NECAB2: variants seen among roughly 807,000 people sequenced by gnomAD.
NECAB2 encodes the protein N-terminal EF-hand calcium-binding protein 2.
Under a neutral mutation model 51.9 loss-of-function variants are expected in NECAB2, and 68 were observed. The observed-to-expected ratio is 1.31, with a 90% CI of 1.08 to 1.60. The LOEUF is 1.60. Ranked by LOEUF, NECAB2 falls within the 40% of genes most tolerant of loss-of-function variation. The pLI is 0.00. For missense variants in NECAB2, 854 were observed against 490.3 expected, an observed-to-expected ratio of 1.74 and a Z score of -7.00; for synonymous variants, 329 against 203.5, an observed-to-expected ratio of 1.62 and a Z score of -5.25.
chr16:83,997,391 A>T, intron 9 of NECAB2, 122 bp downstream of exon 9: 2 of 1,128,996 alleles, frequency 1.8e-6, no homozygotes, highest in Non-Finnish European at 2.5e-6. Context: ...AGGAGGGGAG[A>T]TGTCGCCCAG....
chr16:83,999,580 C>G (rs1302974210), intron 10 of NECAB2, among the ~76,000 whole-genome samples: 1 of 152,162 alleles, frequency 6.6e-6, no homozygotes, highest in African/African-American at 2.4e-5. Context: ...GCCCCTCCTC[C>G]CCAGCTTTTG....
At chr16:83,966,096 C>G (rs766617164), upstream of NECAB2, 156 of 1,117,974 alleles carry the variant, frequency 1.4e-4, no homozygotes, top group East Asian at 4.0e-3. Flanking sequence ...AAAGATGCCC[C>G]GGGGAGGGGT....
At chr16:83,975,343 C>A (rs1410378388) in intron 2 of NECAB2, among the ~76,000 whole-genome samples, 2 of 149,618 alleles carry the variant, frequency 1.3e-5, no homozygotes, top group African/African-American at 5.0e-5. Flanking sequence ...GGGATGGGAA[C>A]AGGTGTGCAG....
Position 83,998,186 on chromosome 16 carries a change from C to T in NECAB2, c.850-19C>T. ...GGCCTGACGTGGAGCCCCACACTGA[C>T]TCCTGCTGTGCCCGGCAGCACCTGC... On this transcript the variant is annotated intron_variant, in intron 9 of 12. Transcript: ENST00000305202. The T allele has an allele frequency of 1.2e-6, 2 of 1,604,150 alleles. No individual in the cohort carries two copies. The highest frequency in any genetic ancestry group is 1.7e-6 in the Non-Finnish European group (2 of 1,179,116).
chr16:83,999,470 G>C (rs909093737), intron 10 of NECAB2, among the ~76,000 whole-genome samples: 1 of 152,160 alleles, frequency 6.6e-6, no homozygotes, highest in African/African-American at 2.4e-5. Context: ...AGCCAGGTGA[G>C]ATTCTACTTC....
At position 83,990,550 on chromosome 16, in the gene NECAB2, G is replaced by A; in HGVS notation, c.516G>A (p.Glu172=). The change falls in exon 6 of 13, where the codon GAG becomes GAA. Residue 172 remains glutamate (E), a synonymous_variant. Coordinates refer to ENST00000305202, the MANE Select transcript of NECAB2 (RefSeq NM_019065.3). ...DQFVTRFLLK[E]TANQIQSLLS... is the part of the protein sequence containing the mutation. ...TTGTGACCCGCTTCCTCCTGAAGGA[G>A]ACGGCCAATCAGATCCAGTCGCTGC... is the stretch of plus-strand genomic sequence containing the variant. The A allele has an allele frequency of 6.2e-7, 1 of 1,614,170 alleles. No individual in the cohort carries two copies. Among genetic ancestry groups the A allele is most frequent in the Non-Finnish European group, 8.5e-7 (1 of 1,180,034 alleles).
intron 3 of NECAB2, 66 bp downstream of exon 3, chr16:83,978,618 C>T: frequency 7.3e-7 from 1 of 1,361,314 alleles, no homozygotes; most frequent in Non-Finnish European, 1.0e-6. Flanking sequence ...ATCTTTTCAT[C>T]TAGTGTCCGT....
chr16:83,989,778 G>A (rs1342391343), intron 5 of NECAB2, among the ~76,000 whole-genome samples: 1 of 152,168 alleles, frequency 6.6e-6, no homozygotes, highest in Non-Finnish European at 1.5e-5. Context: ...GACAGAGGTG[G>A]AAATTCTGTT....
At position 83,998,255 on chromosome 16, in the gene NECAB2, C is replaced by T. The variant is rs142373353; in HGVS notation, c.900C>T (p.Ser300=). 8.6e-5 allele frequency: 138 copies of T among 1,612,870 alleles called. No homozygotes were observed. Among genetic ancestry groups the T allele is most frequent in the Middle Eastern group, 8.2e-4 (5 of 6,082 alleles). Residue 300 remains serine (S), a synonymous_variant, in exon 10 of 13, where the codon AGC becomes AGT. Transcript: ENST00000305202. ...QEMAVCPEQL[S]EFLDSLRQYL... ...TGGCCGTGTGCCCCGAGCAACTGAG[C>T]GAGTTTCTGGACTCTCTGCGCCAGT...
intron 5 of NECAB2, among the ~76,000 whole-genome samples, chr16:83,987,919 C>T (rs2084575783): frequency 6.6e-6 from 1 of 152,214 alleles, no homozygotes; most frequent in Non-Finnish European, 1.5e-5. Context: ...TATTCTGTGT[C>T]AGTACATGAA....
At chr16:83,986,337 A>G (rs1046146692) in intron 5 of NECAB2, among the ~76,000 whole-genome samples, 2 of 152,202 alleles carry the variant, frequency 1.3e-5, no homozygotes, top group African/African-American at 2.4e-5. Context: ...CTCTAACTCA[A>G]TATGAGAATC....
At chr16:83,985,286 C>G (rs2084538430) in intron 5 of NECAB2, among the ~76,000 whole-genome samples, 1 of 120,236 alleles carries the variant, frequency 8.3e-6, no homozygotes, top group African/African-American at 3.1e-5. Flanking sequence ...GCACTCCAGC[C>G]TGGACAACAA....
intron 1 of NECAB2, among the ~76,000 whole-genome samples, chr16:83,969,204 C>G (rs543687035): frequency 6.6e-6 from 1 of 152,132 alleles, no homozygotes; most frequent in East Asian, 1.9e-4. Flanking sequence ...ACCGGAGCCC[C>G]TCGCCGCGTC....
chr16:83,994,597 T>C lies in NECAB2; in HGVS notation c.716-12T>C. ...CACCACTGAAGTCTGTGTGTCTCTT[T>C]CTCTACCGCAGCCACGGAGGATGCA... On this transcript the variant is annotated splice_polypyrimidine_tract_variant and intron_variant, in intron 7 of 12. Transcript: ENST00000305202. 2 of 1,613,986 alleles carry C rather than the reference T, an allele frequency of 1.2e-6. No individual in the cohort carries two copies. Among genetic ancestry groups the C allele is most frequent in the Non-Finnish European group, 1.7e-6 (2 of 1,179,996 alleles).
In NECAB2 at chr16:83,980,940, A is replaced by T; in HGVS notation, c.361+76A>T. The T allele has an allele frequency of 3.7e-6, 6 of 1,608,712 alleles. No individual in the cohort carries two copies. In the South Asian group the frequency reaches 6.6e-5, roughly 18 times the overall value. On this transcript the variant is annotated intron_variant, in intron 4 of 12. Coordinates refer to ENST00000305202, the MANE Select transcript of NECAB2 (RefSeq NM_019065.3). ...GGATGAGAAGGGCCTGAGGCAGGGG[A>T]GGCTGGAGGTAGCGCAGGTGGGAGG... is the stretch of plus-strand genomic sequence containing the variant.
intron 2 of NECAB2, among the ~76,000 whole-genome samples, chr16:83,977,360 G>T (rs1336928662): frequency 6.6e-6 from 1 of 152,132 alleles, no homozygotes; most frequent in Non-Finnish European, 1.5e-5. Context: ...TGCTCAGCAG[G>T]TCTGTTCAGG....
intron 5 of NECAB2, among the ~76,000 whole-genome samples, chr16:83,990,218 G>A (rs942247934): frequency 6.6e-6 from 1 of 152,176 alleles, no homozygotes; most frequent in Non-Finnish European, 1.5e-5. Context: ...CTACAACCTT[G>A]TAAGATAGAT....
At position 83,997,416 on chromosome 16, in the gene NECAB2, A is replaced by G. The variant is rs1227408312; in HGVS notation, c.849+147A>G. The G allele has an allele frequency of 1.7e-5, 14 of 820,472 alleles. No individual in the cohort carries two copies. The Admixed American group carries it at 3.6e-4, about 21-fold the overall frequency. 50.8% of individuals were successfully genotyped at this position (820,472 alleles called of 1,614,324 possible). A position where few individuals can be genotyped will look rare whatever the true frequency, so the allele number is the denominator to read the frequency against. On this transcript the variant is annotated intron_variant, in intron 9 of 12. Transcript: ENST00000305202. ...ATGTCGCCCAGCGCTTGGCACCCAG[A>G]CCCTGCCCTGGCACAGGAGCCACCC...
intron 2 of NECAB2, among the ~76,000 whole-genome samples, chr16:83,976,242 A>C (rs775734226): frequency 6.6e-6 from 1 of 152,174 alleles, no homozygotes; most frequent in Non-Finnish European, 1.5e-5. Context: ...CGATGTCGCC[A>C]CAAGATCCTA....
Sources: allele counts gnomAD v4.1 joint callset (sites outside exome capture counted in the v4.1 genomes callset), GRCh38; gene constraint gnomAD v4.1.1; transcripts MANE v1.5; gene names NCBI Gene and HGNC (gene_info 2026-07-23, HGNC 2026-07-21).